DCDC1: variants seen among roughly 807,000 people sequenced by gnomAD.
The protein encoded by DCDC1 is doublecortin domain containing 1.
Under a neutral mutation model 178.3 loss-of-function variants are expected in DCDC1, and 200 were observed. That is an observed-to-expected ratio of 1.12 (90% CI 1.00 to 1.26). DCDC1 has a LOEUF of 1.26. Ranked by LOEUF, DCDC1 falls within the 50% of genes most tolerant of loss-of-function variation. DCDC1 has a pLI of 0.00. For missense variants in DCDC1, 1,983 were observed against 1,749.2 expected, an observed-to-expected ratio of 1.13 and a Z score of -2.38; for synonymous variants, 690 against 604.8, an observed-to-expected ratio of 1.14 and a Z score of -2.07.
chr11:31,209,792 TAGA>T (rs1419880665), intron 9 of DCDC1, among the ~76,000 whole-genome samples: 2 of 151,838 alleles, frequency 1.3e-5, no homozygotes, highest in Non-Finnish European at 2.9e-5. Context: ...GTCAAGAGAG[TAGA>T]AGAATTGTGG....
intron 9 of DCDC1, among the ~76,000 whole-genome samples, chr11:31,240,027 T>G (rs1022231851): frequency 1.3e-5 from 2 of 151,878 alleles, no homozygotes; most frequent in Non-Finnish European, 2.9e-5. Context: ...AGCTTGTCTT[T>G]AGATTTTATT....
At chr11:30,908,614 C>T (rs1404181633) in intron 29 of DCDC1, among the ~76,000 whole-genome samples, 1 of 151,946 alleles carries the variant, frequency 6.6e-6, no homozygotes, top group Non-Finnish European at 1.5e-5. Context: ...CTGGGGTTGG[C>T]AAACATGGCA....
intron 8 of DCDC1, among the ~76,000 whole-genome samples, chr11:31,247,211 A>G (rs1943626378): frequency 2.0e-5 from 3 of 152,048 alleles, no homozygotes; most frequent in African/African-American, 4.8e-5. Context: ...GAATGTTGAC[A>G]TTAAGGCTTA....
At chr11:30,935,015 A>T (rs768045150) in intron 21 of DCDC1, among the ~76,000 whole-genome samples, 6 of 152,162 alleles carry the variant, frequency 3.9e-5, no homozygotes, top group Admixed American at 1.3e-4. Context: ...TAGGGGGTAA[A>T]CTTTCCCTGT....
chr11:31,344,292 A>C (rs943148225), intron 1 of DCDC1, among the ~76,000 whole-genome samples: 2 of 152,254 alleles, frequency 1.3e-5, no homozygotes, highest in African/African-American at 4.8e-5. Flanking sequence ...ACACATGCAT[A>C]GTTTATTCAC....
chr11:30,988,356 T>C (rs1383100591), intron 20 of DCDC1, among the ~76,000 whole-genome samples: 3 of 151,594 alleles, frequency 2.0e-5, no homozygotes, highest in African/African-American at 7.3e-5. Context: ...ATAGAATAGG[T>C]ATTGGGATGG....
At chr11:31,235,557 T>C (rs961821808) in intron 9 of DCDC1, among the ~76,000 whole-genome samples, 1 of 152,040 alleles carries the variant, frequency 6.6e-6, no homozygotes. Context: ...AATATTTCCA[T>C]ATTAGTTCAT....
intron 3 of DCDC1, among the ~76,000 whole-genome samples, chr11:31,315,984 C>A: frequency 8.8e-6 from 1 of 113,120 alleles, no homozygotes; most frequent in Middle Eastern, 3.7e-3. Context: ...AGGATATGAA[C>A]TCATCATTTT....
At chr11:31,092,683 G>T (rs1957890554) in intron 16 of DCDC1, among the ~76,000 whole-genome samples, 1 of 152,224 alleles carries the variant, frequency 6.6e-6, no homozygotes, top group East Asian at 1.9e-4. Context: ...CTGCTATCAT[G>T]AAATTCTAGA....
Position 31,328,270 on chromosome 11 carries a change from GT to G in DCDC1, c.10del (p.Thr4GlnfsTer18). On this transcript the variant is annotated frameshift_variant, in exon 3 of 39. Coordinates refer to ENST00000684477, the MANE Select transcript of DCDC1 (RefSeq NM_001387274.1). LOFTEE classifies it high-confidence loss of function. ...TGCTTCTCTGTGATCTTCTGCTCCTGTTTTTGCCATTTTCAGCTAAAAATGA... is the reference window on the plus strand; with the variant it reads ...TGCTTCTCTGTGATCTTCTGCTCCTGTTTTGCCATTTTCAGCTAAAAATGA... MAK[T>X]GAEDHREALS... The G allele has an allele frequency of 6.4e-7, 1 of 1,555,764 alleles. No homozygotes were observed. Among genetic ancestry groups the G allele is most frequent in the Non-Finnish European group, 8.7e-7 (1 of 1,147,816 alleles).
chr11:30,924,967 G>A (rs1946501403), intron 23 of DCDC1, among the ~76,000 whole-genome samples: 1 of 152,034 alleles, frequency 6.6e-6, no homozygotes, highest in Non-Finnish European at 1.5e-5. Context: ...CAGCTACTCT[G>A]GAGGCTGAGG....
intron 8 of DCDC1, among the ~76,000 whole-genome samples, chr11:31,262,063 A>G (rs1944826159): frequency 6.6e-6 from 1 of 152,042 alleles, no homozygotes; most frequent in East Asian, 1.9e-4. Context: ...ACAGAAGTTC[A>G]AGACCAGCCT....
chr11:31,278,420 A>T (rs977027231), intron 7 of DCDC1, among the ~76,000 whole-genome samples: 1 of 152,162 alleles, frequency 6.6e-6, no homozygotes, highest in African/African-American at 2.4e-5. Flanking sequence ...GCACAGAAAC[A>T]CAAATACCAC....
intron 25 of DCDC1, among the ~76,000 whole-genome samples, chr11:30,919,045 T>A (rs1946057520): frequency 6.6e-6 from 1 of 152,122 alleles, no homozygotes; most frequent in Non-Finnish European, 1.5e-5. Context: ...ACAAGCACAT[T>A]TAAGAAAGTC....
chr11:30,870,619 A>C (rs1417264828), intron 38 of DCDC1, among the ~76,000 whole-genome samples: 1 of 152,238 alleles, frequency 6.6e-6, no homozygotes, highest in Non-Finnish European at 1.5e-5. Flanking sequence ...CTGAATGCCA[A>C]TCAGAGTGTC....
chr11:31,201,892 C>T (rs550595035), intron 9 of DCDC1, among the ~76,000 whole-genome samples: 1 of 152,240 alleles, frequency 6.6e-6, no homozygotes, highest in African/African-American at 2.4e-5. Flanking sequence ...AGCTCACTGT[C>T]AATACACAAG....
At chr11:31,364,503 C>T (rs1328774594) in intron 1 of DCDC1, among the ~76,000 whole-genome samples, 1 of 152,092 alleles carries the variant, frequency 6.6e-6, no homozygotes, top group Non-Finnish European at 1.5e-5. Context: ...AAAACAGGAA[C>T]ATAAATCTCA....
intron 34 of DCDC1, among the ~76,000 whole-genome samples, chr11:30,898,585 T>C (rs962366878): frequency 5.9e-5 from 9 of 152,042 alleles, no homozygotes; most frequent in African/African-American, 1.7e-4. Flanking sequence ...AAAGGAGGCA[T>C]TGGTGTTGGG....
intron 20 of DCDC1, among the ~76,000 whole-genome samples, chr11:31,040,513 C>T (rs1313164980): frequency 1.3e-5 from 2 of 152,146 alleles, no homozygotes; most frequent in African/African-American, 4.8e-5. Context: ...ATTGAAACCA[C>T]AATTCTTCCA....
Sources: gnomAD v4.1 joint callset for allele counts (sites outside exome capture counted in the v4.1 genomes callset) on GRCh38, gnomAD v4.1.1 for gene constraint, MANE v1.5 for transcripts, NCBI Gene and HGNC (gene_info 2026-07-23, HGNC 2026-07-21) for gene names.